The following DEPTOR variants were observed in gnomAD, a reference collection of about 807,000 sequenced individuals.
The protein encoded by DEPTOR is DEP domain containing MTOR interacting protein, also known as DEP domain-containing mTOR-interacting protein.
Under a neutral mutation model 41.6 loss-of-function variants are expected in DEPTOR, and 41 were observed. That is an observed-to-expected ratio of 0.98 (90% CI 0.77 to 1.28). The LOEUF is 1.28. DEPTOR is among the 50% of genes most tolerant of loss of function. The pLI is 0.00. For synonymous variants in DEPTOR, 195 were observed against 192.3 expected (o/e 1.01, Z -0.12); for missense variants, 514 against 527.9 (o/e 0.97, Z 0.26).
intron 4 of DEPTOR, among the ~76,000 whole-genome samples, chr8:119,966,503 A>C (rs115821223): frequency 0.013 from 2,043 of 152,252 alleles, 42 homozygotes; most frequent in African/African-American, 0.046. Flanking sequence ...TGTTTTGTTT[A>C]AGGCAGAGTC....
intron 4 of DEPTOR, among the ~76,000 whole-genome samples, chr8:119,976,285 C>T (rs1828695809): frequency 6.6e-6 from 1 of 152,124 alleles, no homozygotes; most frequent in Non-Finnish European, 1.5e-5. Context: ...TTCTTTACCC[C>T]TAACTAGAGA....
At chr8:119,911,174 G>A (rs1827731287) in intron 1 of DEPTOR, among the ~76,000 whole-genome samples, 1 of 152,080 alleles carries the variant, frequency 6.6e-6, no homozygotes, top group Non-Finnish European at 1.5e-5. Flanking sequence ...CTAATGCTCT[G>A]ACTTCTTTGC....
At chr8:119,982,313 T>A (rs1039369139) in intron 4 of DEPTOR, among the ~76,000 whole-genome samples, 2 of 152,244 alleles carry the variant, frequency 1.3e-5, no homozygotes, top group Non-Finnish European at 1.5e-5. Context: ...AAGCCATGTC[T>A]TCTGACAGCT....
At chr8:120,026,643 A>C (rs1812801358) in intron 8 of DEPTOR, among the ~76,000 whole-genome samples, 1 of 151,912 alleles carries the variant, frequency 6.6e-6, no homozygotes, top group Non-Finnish European at 1.5e-5. Flanking sequence ...GCACCCCGCC[A>C]AGCATCCTAA....
chr8:119,990,023 T>C (rs556064936), intron 4 of DEPTOR, among the ~76,000 whole-genome samples: 7 of 152,394 alleles, frequency 4.6e-5, no homozygotes, highest in Admixed American at 3.3e-4. Flanking sequence ...TTTAGGCTTC[T>C]CTGCACTTAC....
chr8:119,979,509 C>T (rs901994292), intron 4 of DEPTOR, among the ~76,000 whole-genome samples: 11 of 152,042 alleles, frequency 7.2e-5, no homozygotes, highest in South Asian at 2.1e-4. Context: ...GTGATGCACC[C>T]GCCTTGGCCT....
intron 8 of DEPTOR, among the ~76,000 whole-genome samples, chr8:120,023,830 A>G (rs1449027178): frequency 2.0e-5 from 3 of 146,580 alleles, no homozygotes; most frequent in Non-Finnish European, 4.5e-5. Flanking sequence ...CTTGGCTTCC[A>G]TTCCCAAGGT....
chr8:120,019,522 C>T (rs1467216836), intron 8 of DEPTOR, among the ~76,000 whole-genome samples: 1 of 152,142 alleles, frequency 6.6e-6, no homozygotes, highest in Admixed American at 6.5e-5. Flanking sequence ...TAGAGTCAGA[C>T]AGAATCTTGG....
At chr8:119,933,117 G>T (rs1333429065) in intron 3 of DEPTOR, among the ~76,000 whole-genome samples, 2 of 152,044 alleles carry the variant, frequency 1.3e-5, no homozygotes, top group African/African-American at 4.8e-5. Context: ...TGCATGTGCT[G>T]TTCCCTCTGC....
chr8:120,013,571 G>A (rs1027478866), intron 8 of DEPTOR, among the ~76,000 whole-genome samples: 3 of 152,118 alleles, frequency 2.0e-5, no homozygotes, highest in African/African-American at 4.8e-5. Context: ...GGAAGGATCC[G>A]CCCACTTGGG....
intron 8 of DEPTOR, among the ~76,000 whole-genome samples, chr8:120,039,916 C>T (rs1813035327): frequency 6.6e-6 from 1 of 152,100 alleles, no homozygotes; most frequent in Non-Finnish European, 1.5e-5. Flanking sequence ...ACAAACTCGC[C>T]TCACTGCAGT....
chr8:119,883,137 G>A (rs1827319772), intron 1 of DEPTOR, among the ~76,000 whole-genome samples: 1 of 152,012 alleles, frequency 6.6e-6, no homozygotes, highest in Non-Finnish European at 1.5e-5. Flanking sequence ...GTGAGGTTGG[G>A]TGGGGAGATG....
chr8:119,904,569 A>C (rs538256821), intron 1 of DEPTOR, among the ~76,000 whole-genome samples: 1 of 151,914 alleles, frequency 6.6e-6, no homozygotes, highest in Non-Finnish European at 1.5e-5. Flanking sequence ...ATCTTGACTC[A>C]CTGCAACCTC....
chr8:120,045,632 C>A (rs987033773), intron 8 of DEPTOR, among the ~76,000 whole-genome samples: 1 of 152,192 alleles, frequency 6.6e-6, no homozygotes, highest in African/African-American at 2.4e-5. Flanking sequence ...GCCTTGGCCT[C>A]CCAAAGTGCT....
Position 119,928,533 on chromosome 8 carries a change from A to G in DEPTOR, c.256A>G (p.Ile86Val). The change falls in exon 2 of 9, where the codon ATT becomes GTT. Residue 86 changes from isoleucine (I) to valine (V), a missense_variant. Ile to Val is a conservative substitution (Grantham distance 29). Transcript: ENST00000286234. ...HKEASDRETA[I>V]KLMQKLADRG... ...AGAGGCTTCTGACAGAGAGACGGCA[A>G]TTAAACTCATGCAGAAATTAGCAGA... 2 of 1,614,202 alleles carry G rather than the reference A, an allele frequency of 1.2e-6. No homozygotes were observed. The highest frequency in any genetic ancestry group is 1.1e-5 in the South Asian group (1 of 91,090).
chr8:120,005,468 T>G (rs1812419526), intron 6 of DEPTOR, among the ~76,000 whole-genome samples: 1 of 152,214 alleles, frequency 6.6e-6, no homozygotes, highest in Admixed American at 6.5e-5. Context: ...GAGGTCCAGC[T>G]GCCTGGTAGA....
At chr8:119,936,343 A>G (rs1828112471) in intron 3 of DEPTOR, among the ~76,000 whole-genome samples, 1 of 152,182 alleles carries the variant, frequency 6.6e-6, no homozygotes, top group African/African-American at 2.4e-5. Flanking sequence ...GAATGAACAA[A>G]GGGCTCTACA....
At position 120,049,732 on chromosome 8, in the gene DEPTOR, G is replaced by A. The variant is rs1305174916; in HGVS notation, c.*28G>A. ...TCCTGGGCCTCCCAGCCCTCCAGTG[G>A]CCTGTGGGTGAGGGAAGCCAGAATG... On this transcript the variant is annotated 3_prime_UTR_variant, in exon 9 of 9. Coordinates refer to ENST00000286234, the MANE Select transcript of DEPTOR (RefSeq NM_022783.4). The A allele has an allele frequency of 1.2e-6, 2 of 1,611,794 alleles. No individual in the cohort carries two copies. Among genetic ancestry groups the A allele is most frequent in the Non-Finnish European group, 1.7e-6 (2 of 1,178,962 alleles).
At chr8:119,959,331 T>A (rs1314573064) in intron 3 of DEPTOR, among the ~76,000 whole-genome samples, 1 of 150,932 alleles carries the variant, frequency 6.6e-6, no homozygotes, top group African/African-American at 2.4e-5. Flanking sequence ...CCCAGCTAAT[T>A]TTTGTAAATT....
Sources: allele counts gnomAD v4.1 joint callset (sites outside exome capture counted in the v4.1 genomes callset), GRCh38; gene constraint gnomAD v4.1.1; transcripts MANE v1.5; gene names NCBI Gene and HGNC (gene_info 2026-07-23, HGNC 2026-07-21).